Variants in ARB2A observed in about 807,000 individuals in gnomAD.
ARB2A encodes cotranscriptional regulator ARB2A.
chr5:93,751,897 G>A, the ARB2A span, among the ~76,000 whole-genome samples: 8 of 152,250 alleles, frequency 5.3e-5, no homozygotes, highest in East Asian at 1.5e-3. Flanking sequence ...TGAGCTTGTG[G>A]CTTGAGAGAG....
chr5:93,936,694 A>G, the ARB2A span, among the ~76,000 whole-genome samples: 2 of 152,148 alleles, frequency 1.3e-5, no homozygotes, highest in African/African-American at 2.4e-5. Flanking sequence ...TTTGGATCCT[A>G]ATTATATTCT....
At chr5:94,055,316 G>T in the ARB2A span, among the ~76,000 whole-genome samples, 1 of 152,012 alleles carries the variant, frequency 6.6e-6, no homozygotes, top group African/African-American at 2.4e-5. Flanking sequence ...TCCTACAAAA[G>T]AAATATCTCA....
the ARB2A span, among the ~76,000 whole-genome samples, chr5:94,046,966 A>G: frequency 2.0e-5 from 3 of 152,222 alleles, no homozygotes; most frequent in African/African-American, 7.2e-5. Flanking sequence ...AACCTTCAAC[A>G]GTGAAATTAG....
At chr5:93,709,462 ATC>A in the ARB2A span, among the ~76,000 whole-genome samples, 1 of 151,606 alleles carries the variant, frequency 6.6e-6, no homozygotes, top group Non-Finnish European at 1.5e-5. Context: ...GTGAAACCCC[ATC>A]TCTATTAAAA....
chr5:93,942,654 T>C, the ARB2A span, among the ~76,000 whole-genome samples: 36 of 151,746 alleles, frequency 2.4e-4, no homozygotes, highest in Middle Eastern at 3.4e-3. Context: ...TAATCATATT[T>C]CATGACTATT....
chr5:93,981,749 TATG>T, the ARB2A span, among the ~76,000 whole-genome samples: 1 of 152,134 alleles, frequency 6.6e-6, no homozygotes, highest in Admixed American at 6.5e-5. Context: ...TTGGGTATTT[TATG>T]ATATTTTATT....
chr5:93,952,797 A>G, the ARB2A span, among the ~76,000 whole-genome samples: 4 of 151,818 alleles, frequency 2.6e-5, no homozygotes, highest in South Asian at 8.3e-4. Context: ...ATGGTCAATA[A>G]CTCTTAGATT....
the ARB2A span, among the ~76,000 whole-genome samples, chr5:93,886,253 G>A: frequency 6.6e-6 from 1 of 151,714 alleles, no homozygotes; most frequent in African/African-American, 2.4e-5. Context: ...ACTTGGCTCT[G>A]CATATTAACC....
chr5:93,752,580 T>C, the ARB2A span, among the ~76,000 whole-genome samples: 3 of 152,044 alleles, frequency 2.0e-5, no homozygotes, highest in Non-Finnish European at 4.4e-5. Context: ...TTAAGTGAGA[T>C]TTTTGGAGTG....
At chr5:93,968,064 A>G in the ARB2A span, among the ~76,000 whole-genome samples, 1 of 152,106 alleles carries the variant, frequency 6.6e-6, no homozygotes, top group African/African-American at 2.4e-5. Flanking sequence ...AATAAACACA[A>G]TCTAATGCCT....
the ARB2A span, among the ~76,000 whole-genome samples, chr5:93,846,375 G>T: frequency 2.6e-5 from 4 of 151,870 alleles, no homozygotes; most frequent in East Asian, 3.9e-4. Context: ...AGTGGCATGT[G>T]CCTGTAGTCT....
At chr5:93,988,518 C>G in the ARB2A span, among the ~76,000 whole-genome samples, 1 of 152,136 alleles carries the variant, frequency 6.6e-6, no homozygotes, top group Admixed American at 6.5e-5. Context: ...GGCCCCCAAT[C>G]TATCCTCAAG....
At chr5:93,630,217 T>C in the ARB2A span, among the ~76,000 whole-genome samples, 127 of 152,248 alleles carry the variant, frequency 8.3e-4, no homozygotes, top group African/African-American at 3.0e-3. Context: ...AGGGCTTCTA[T>C]TGGAAATCCT....
the ARB2A span, among the ~76,000 whole-genome samples, chr5:93,665,452 C>T: frequency 6.6e-6 from 1 of 152,146 alleles, no homozygotes; most frequent in African/African-American, 2.4e-5. Flanking sequence ...GGGTTCACAA[C>T]AAACTTGGAC....
chr5:93,640,902 A>C, the ARB2A span, among the ~76,000 whole-genome samples: 1 of 151,806 alleles, frequency 6.6e-6, no homozygotes, highest in Non-Finnish European at 1.5e-5. Flanking sequence ...CAACATTTTA[A>C]ATTTAATTAT....
At chr5:93,939,388 T>C in the ARB2A span, among the ~76,000 whole-genome samples, 1 of 152,152 alleles carries the variant, frequency 6.6e-6, no homozygotes, top group Non-Finnish European at 1.5e-5. Context: ...CATAAAGATA[T>C]AATTTCATAT....
At chr5:93,764,354 T>C in the ARB2A span, among the ~76,000 whole-genome samples, 1 of 152,094 alleles carries the variant, frequency 6.6e-6, no homozygotes, top group African/African-American at 2.4e-5. Context: ...CAATAAAAAA[T>C]GATAAAGGGG....
chr5:93,953,335 TTA>T, the ARB2A span, among the ~76,000 whole-genome samples: 2 of 152,104 alleles, frequency 1.3e-5, no homozygotes, highest in Non-Finnish European at 2.9e-5. Context: ...GGGTATTGTG[TTA>T]TATGTTTTTG....
the ARB2A span, chr5:93,734,243 G>C: frequency 6.6e-6 from 1 of 152,150 alleles, no homozygotes. Context: ...TATTTAGTCT[G>C]AACTTACAAG....
Sources: gnomAD v4.1 joint callset for allele counts (sites outside exome capture counted in the v4.1 genomes callset) on GRCh38, gnomAD v4.1.1 for gene constraint, MANE v1.5 for transcripts, NCBI Gene and HGNC (gene_info 2026-07-23, HGNC 2026-07-21) for gene names.